Variants in QKI observed in about 807,000 individuals in gnomAD.
QKI encodes the protein KH domain-containing RNA-binding protein QKI.
Under a neutral mutation model 39.0 loss-of-function variants are expected in QKI, and 10 were observed. The observed-to-expected ratio is 0.26, with a 90% CI of 0.16 to 0.43. QKI has a LOEUF of 0.43. Ranked by LOEUF, QKI falls within the 20% of genes least tolerant of loss-of-function variation. The probability of loss-of-function intolerance (pLI) is 1.00; values close to 1 mark genes in which losing one functional copy is unlikely to be tolerated. For synonymous variants in QKI, 204 were observed against 155.4 expected, an observed-to-expected ratio of 1.31 and a Z score of -2.33; for missense variants, 218 against 428.0, an observed-to-expected ratio of 0.51 and a Z score of 4.33.
intron 1 of QKI, among the ~76,000 whole-genome samples, chr6:163,416,085 G>A (rs1360434932): frequency 6.8e-6 from 1 of 147,834 alleles, no homozygotes; most frequent in East Asian, 2.0e-4. Flanking sequence ...GCGAAATAAC[G>A]CGATGACAGA....
At chr6:163,439,354 T>TGGG (rs201292493) in intron 1 of QKI, among the ~76,000 whole-genome samples, 7 of 133,362 alleles carry the variant, frequency 5.2e-5, no homozygotes, top group Non-Finnish European at 8.2e-5. Flanking sequence ...TTTTTTTTTT[T>TGGG]CGGGGGGGTG....
rs796699420 is a variant in QKI, at chr6:163,548,426, T to A, written c.546+13301T>A. 5.9e-5 allele frequency among the ~76,000 whole-genome samples: 9 copies of A among 152,232 alleles called. No homozygotes were observed. In the East Asian group the frequency reaches 9.6e-4, roughly 16 times the overall value. Reference sequence around the variant, plus strand: ...ACTTACCCCTTTTTGCCTCATTTTTTAAATCACCTCATTAGGTTGCTCTGT... The same window carrying A: ...ACTTACCCCTTTTTGCCTCATTTTTAAAATCACCTCATTAGGTTGCTCTGT... On this transcript the variant is annotated intron_variant, in intron 4 of 7. Transcript: ENST00000361752.
Position 163,533,137 on chromosome 6 carries a change from C to CA in QKI, c.403-1834dup, listed in dbSNP as rs538949181. 7.3e-3 allele frequency among the ~76,000 whole-genome samples: 986 copies of CA among 135,726 alleles called. 10 individuals are homozygous for CA. Among genetic ancestry groups the CA allele is most frequent in the African/African-American group, 0.02 (749 of 36,746 alleles). The allele number at this position is 135,726 out of a possible 152,430, so 89.0% of individuals were successfully genotyped here. On this transcript the variant is annotated intron_variant, in intron 3 of 7. Coordinates refer to ENST00000361752, the MANE Select transcript of QKI (RefSeq NM_006775.3). ...CTAGTAGCTTTTGTAGGTCTCTCTC[C>CA]AAAAAAAAAAAGATAAATAAAAAAT...
intron 6 of QKI, chr6:163,564,660 T>C (rs1783243630): frequency 9.9e-6 from 16 of 1,614,082 alleles, no homozygotes; most frequent in Non-Finnish European, 1.4e-5. Flanking sequence ...ATGCCTTTTT[T>C]TTATAGAGTG....
At chr6:163,489,993 A>G (rs551258473) in intron 3 of QKI, among the ~76,000 whole-genome samples, 1 of 152,176 alleles carries the variant, frequency 6.6e-6, no homozygotes, top group East Asian at 1.9e-4. Flanking sequence ...TATTGGTACC[A>G]TTTGACGAGA....
chr6:163,553,041 AG>A (rs1416212762), intron 4 of QKI, among the ~76,000 whole-genome samples: 2 of 141,202 alleles, frequency 1.4e-5, no homozygotes, highest in African/African-American at 5.2e-5. Flanking sequence ...CATAATTTTC[AG>A]GTTCTTTTTT....
intron 4 of QKI, among the ~76,000 whole-genome samples, chr6:163,543,568 A>G (rs929281072): frequency 6.6e-6 from 1 of 152,090 alleles, no homozygotes; most frequent in Non-Finnish European, 1.5e-5. Context: ...ATGAGTTGCC[A>G]TGGGAATTTT....
intron 3 of QKI, among the ~76,000 whole-genome samples, chr6:163,479,529 G>T (rs1048272418): frequency 3.9e-5 from 6 of 152,052 alleles, no homozygotes; most frequent in Non-Finnish European, 8.8e-5. Context: ...ACGCCGCCAT[G>T]CCCAGCTAAT....
intron 4 of QKI, among the ~76,000 whole-genome samples, chr6:163,559,672 GTTTCACTCA>G (rs1782875569): frequency 6.6e-6 from 1 of 152,104 alleles, no homozygotes; most frequent in Non-Finnish European, 1.5e-5. Flanking sequence ...TTGTCTTTAT[GTTTCACTCA>G]TATTTTTCTT....
At chr6:163,471,779 T>C (rs1792206766) in intron 2 of QKI, among the ~76,000 whole-genome samples, 1 of 152,158 alleles carries the variant, frequency 6.6e-6, no homozygotes, top group African/African-American at 2.4e-5. Flanking sequence ...AAAGATTTAG[T>C]AAACCATGTA....
chr6:163,427,030 T>TCTGCCTTGC (rs1788459721), intron 1 of QKI, among the ~76,000 whole-genome samples: 1 of 152,174 alleles, frequency 6.6e-6, no homozygotes, highest in Non-Finnish European at 1.5e-5. Flanking sequence ...TTGTGCCTTG[T>TCTGCCTTGC]CTGCCTTGCC....
At chr6:163,456,030 T>C (rs751024057) in intron 2 of QKI, among the ~76,000 whole-genome samples, 1 of 152,208 alleles carries the variant, frequency 6.6e-6, no homozygotes, top group East Asian at 1.9e-4. Flanking sequence ...ATTTTCCCTC[T>C]TCTTTACCAC....
chr6:163,539,505 C>T (rs553400711), intron 4 of QKI, among the ~76,000 whole-genome samples: 4 of 152,216 alleles, frequency 2.6e-5, no homozygotes, highest in African/African-American at 9.6e-5. Context: ...TTCCACTCCA[C>T]CTCAGTCATC....
At chr6:163,553,057 TTAA>T in intron 4 of QKI, among the ~76,000 whole-genome samples, 1 of 146,116 alleles carries the variant, frequency 6.8e-6, no homozygotes, top group Non-Finnish European at 1.5e-5. Flanking sequence ...TTTTTTTTTT[TTAA>T]TTTTTATTTA....
rs148168218 is a variant in QKI at position 163,473,657 on chromosome 6, G to A, written c.286-5123G>A. On this transcript the variant is annotated intron_variant, in intron 2 of 7. Transcript: ENST00000361752. ...ACAAAATGGATACAACTTAAAAATTGACATACGAAGGAATAGAAAGTCTGA... is the reference window on the plus strand; with the variant it reads ...ACAAAATGGATACAACTTAAAAATTAACATACGAAGGAATAGAAAGTCTGA... 1.2e-3 allele frequency among the ~76,000 whole-genome samples: 181 copies of A among 152,206 alleles called. 1 individual carries two copies. The highest frequency in any genetic ancestry group is 4.2e-3 in the African/African-American group (175 of 41,530).
intron 1 of QKI, among the ~76,000 whole-genome samples, chr6:163,436,923 A>G (rs750467648): frequency 2.6e-5 from 4 of 152,114 alleles, no homozygotes; most frequent in Non-Finnish European, 5.9e-5. Flanking sequence ...CTTTTTGGAG[A>G]ATGATTACAT....
At chr6:163,568,853 T>G in intron 7 of QKI, 1 of 985,786 alleles carries the variant, frequency 1.0e-6, no homozygotes, top group Non-Finnish European at 1.2e-6. Flanking sequence ...ACCTTTTAGT[T>G]GTAATGAACT....
chr6:163,447,286 G>A (rs950661367), intron 1 of QKI, among the ~76,000 whole-genome samples: 9 of 132,060 alleles, frequency 6.8e-5, no homozygotes, highest in Non-Finnish European at 1.1e-4. Context: ...TACATAGAAT[G>A]TGTAATGATT....
intron 1 of QKI, among the ~76,000 whole-genome samples, chr6:163,431,810 A>AC (rs1226204135): frequency 1.5e-5 from 2 of 133,838 alleles, no homozygotes; most frequent in East Asian, 2.2e-4. Flanking sequence ...TAAAAAAAAA[A>AC]AAACAAAAAA....
Sources: allele counts gnomAD v4.1 joint callset (sites outside exome capture counted in the v4.1 genomes callset), GRCh38; gene constraint gnomAD v4.1.1; transcripts MANE v1.5; gene names NCBI Gene and HGNC (gene_info 2026-07-23, HGNC 2026-07-21).